The following THEMIS variants were observed in gnomAD, a reference collection of about 807,000 sequenced individuals.
THEMIS encodes thymocyte selection associated, also known as protein THEMIS.
A neutral mutation model predicts 52.6 loss-of-function variants in THEMIS; 37 were observed. That is an observed-to-expected ratio of 0.70 (90% CI 0.54 to 0.93). The LOEUF is 0.93. Among genes scored for constraint, THEMIS ranks in the 40% least tolerant of loss-of-function variants. The pLI, the probability that THEMIS is intolerant of heterozygous loss-of-function variation, is 0.00. For synonymous variants in THEMIS, 292 were observed against 272.7 expected (o/e 1.07, Z -0.70); for missense variants, 808 against 763.1 (o/e 1.06, Z -0.69).
chr6:127,730,321 AAAAAGAAAAG>A (rs1174763634), intron 4 of THEMIS, among the ~76,000 whole-genome samples: 10 of 61,516 alleles, frequency 1.6e-4, no homozygotes, highest in Non-Finnish European at 4.2e-4. Flanking sequence ...GAAAAGAGAA[AAAAAGAAAAG>A]AAAAGAAAAG....
chr6:127,823,011 T>C (rs1408790953), intron 3 of THEMIS, among the ~76,000 whole-genome samples: 1 of 152,202 alleles, frequency 6.6e-6, no homozygotes, highest in African/African-American at 2.4e-5. Context: ...TTGTTTTATA[T>C]ACAAATAAAC....
At chr6:127,877,744 A>G (rs899127254) in intron 1 of THEMIS, among the ~76,000 whole-genome samples, 1 of 152,234 alleles carries the variant, frequency 6.6e-6, no homozygotes, top group African/African-American at 2.4e-5. Flanking sequence ...GAAATACTGC[A>G]AGAATTACCA....
chr6:127,842,301 G>A (rs1355231698), intron 2 of THEMIS, among the ~76,000 whole-genome samples: 5 of 151,834 alleles, frequency 3.3e-5, no homozygotes, highest in Non-Finnish European at 7.4e-5. Context: ...TTCTGTTAAT[G>A]GAGTATATAA....
chr6:127,864,323 G>T lies in THEMIS; in HGVS notation c.92-9135C>A, dbSNP rs953891384. Among the ~76,000 whole-genome samples the T allele has an allele frequency of 2.0e-5, 3 of 151,884 alleles. No homozygotes were observed. The East Asian group carries it at 5.8e-4, about 29-fold the overall frequency. ...TTTACTTCCAAAATCTACTCTTTGT[G>T]CCAGATCAGAAAAAAAAGTTTTAAA... On this transcript the variant is annotated intron_variant, in intron 1 of 5. Transcript: ENST00000368248.
chr6:127,779,637 G>A (rs1244365976), intron 4 of THEMIS, among the ~76,000 whole-genome samples: 1 of 152,154 alleles, frequency 6.6e-6, no homozygotes, highest in Admixed American at 6.5e-5. Context: ...TGTAGGAAGT[G>A]CTATAATACG....
chr6:127,788,283 T>G (rs1777044205), intron 4 of THEMIS, among the ~76,000 whole-genome samples: 1 of 152,216 alleles, frequency 6.6e-6, no homozygotes, highest in Non-Finnish European at 1.5e-5. Flanking sequence ...AAGATTGGAC[T>G]GTGTGGTAAT....
intron 2 of THEMIS, among the ~76,000 whole-genome samples, chr6:127,849,037 TC>T (rs1779325544): frequency 3.9e-5 from 6 of 152,168 alleles, no homozygotes; most frequent in Admixed American, 3.9e-4. Context: ...TAGGTTTTCT[TC>T]TAGGGTTTTT....
Position 127,813,563 on chromosome 6 carries a change from T to C in THEMIS, c.1078A>G (p.Ser360Gly), listed in dbSNP as rs750026663. 6.2e-7 allele frequency: 1 copy of C among 1,613,696 alleles called. No individual in the cohort carries two copies. Among genetic ancestry groups the C allele is most frequent in the Non-Finnish European group, 8.5e-7 (1 of 1,179,866 alleles). Reference sequence around the variant, plus strand: ...ACCACGTGAAGAGGCTCCTTTTCACTCTTAGCGATCTCTAGGTCATAGGCC... The same window carrying C: ...ACCACGTGAAGAGGCTCCTTTTCACCCTTAGCGATCTCTAGGTCATAGGCC... ...PTAYDLEIAK[S>G]EKEPLHVVAT... Residue 360 changes from serine (S) to glycine (G), a missense_variant, in exon 4 of 6, where the codon AGT becomes GGT. By Grantham distance (56) the Ser-to-Gly change is moderately conservative (BLOSUM62 0). Transcript: ENST00000368248.
At chr6:127,832,183 A>T (rs1313172237) in intron 2 of THEMIS, among the ~76,000 whole-genome samples, 1 of 152,120 alleles carries the variant, frequency 6.6e-6, no homozygotes. Context: ...GTAATAACAG[A>T]CCTAAAATAT....
At chr6:127,854,036 A>G (rs771755306) in intron 2 of THEMIS, among the ~76,000 whole-genome samples, 2 of 151,722 alleles carry the variant, frequency 1.3e-5, no homozygotes, top group Non-Finnish European at 3.0e-5. Flanking sequence ...TTTCTCTTCC[A>G]CTGGTCATTC....
At position 127,708,796 on chromosome 6, in the gene THEMIS, A is replaced by G. The variant is rs563591548; in HGVS notation, c.*1189T>C. On this transcript the variant is annotated 3_prime_UTR_variant, in exon 6 of 6. Coordinates refer to ENST00000368248, the MANE Select transcript of THEMIS (RefSeq NM_001010923.3). The stretch of plus-strand genomic sequence containing the variant: ...AGAATATAAACATTGAAAAAACTCT[A>G]ATTTTTTTTGTTCTAAAGTTGACTC... The G allele has an allele frequency of 2.6e-5, 4 of 152,126 alleles. No homozygotes were observed. Among genetic ancestry groups the G allele is most frequent in the African/African-American group, 9.6e-5 (4 of 41,540 alleles). 9.4% of individuals were successfully genotyped at this position (152,126 alleles called of 1,614,324 possible).
intron 2 of THEMIS, among the ~76,000 whole-genome samples, chr6:127,836,268 C>T (rs552210936): frequency 2.6e-5 from 4 of 152,152 alleles, no homozygotes; most frequent in African/African-American, 9.6e-5. Flanking sequence ...CCTAAGTAGC[C>T]ACCTGTTTAT....
At chr6:127,764,316 A>G (rs938363118) in intron 4 of THEMIS, among the ~76,000 whole-genome samples, 1 of 148,238 alleles carries the variant, frequency 6.7e-6, no homozygotes, top group Non-Finnish European at 1.5e-5. Flanking sequence ...GAACTCTATA[A>G]TCTTGAGGCA....
At chr6:127,867,527 G>T (rs531595449) in intron 1 of THEMIS, among the ~76,000 whole-genome samples, 1 of 152,182 alleles carries the variant, frequency 6.6e-6, no homozygotes, top group African/African-American at 2.4e-5. Context: ...ATGGAGAAGA[G>T]AAAACATTCC....
In THEMIS at chr6:127,756,699, T is replaced by C. The variant is rs564659483; in HGVS notation, c.1759-36876A>G. On this transcript the variant is annotated intron_variant, in intron 4 of 5. Coordinates refer to ENST00000368248, the MANE Select transcript of THEMIS (RefSeq NM_001010923.3). The stretch of plus-strand genomic sequence containing the variant: ...AAATTAATTCCAAAAGTGAGTTTCA[T>C]CAGAGTGGTTCATTGCTTAGCTTTT... Among the ~76,000 whole-genome samples the C allele has an allele frequency of 2.0e-5, 3 of 152,324 alleles. No individual in the cohort carries two copies. In the East Asian group the frequency reaches 5.8e-4, roughly 29 times the overall value.
chr6:127,747,365 AATATT>A (rs201467181), intron 4 of THEMIS, among the ~76,000 whole-genome samples: 26 of 144,908 alleles, frequency 1.8e-4, no homozygotes, highest in African/African-American at 5.2e-4. Flanking sequence ...TATATAATAT[AATATT>A]ATATTATATA....
intron 1 of THEMIS, among the ~76,000 whole-genome samples, chr6:127,897,669 G>T (rs1781010647): frequency 6.6e-6 from 1 of 151,520 alleles, no homozygotes; most frequent in Admixed American, 6.6e-5. Flanking sequence ...GAGTTAATTG[G>T]AACACAAATA....
chr6:127,780,129 T>C (rs1776695414), intron 4 of THEMIS, among the ~76,000 whole-genome samples: 1 of 152,234 alleles, frequency 6.6e-6, no homozygotes, highest in Non-Finnish European at 1.5e-5. Flanking sequence ...TTTTGTTTCA[T>C]TGATCGCTTT....
chr6:127,738,218 G>A (rs1040814139), intron 4 of THEMIS, among the ~76,000 whole-genome samples: 4 of 152,064 alleles, frequency 2.6e-5, no homozygotes, highest in Non-Finnish European at 4.4e-5. Context: ...ATAAATTTAA[G>A]TAAAAAAATA....
Sources: gnomAD v4.1 joint callset for allele counts (sites outside exome capture counted in the v4.1 genomes callset) on GRCh38, gnomAD v4.1.1 for gene constraint, MANE v1.5 for transcripts, NCBI Gene and HGNC (gene_info 2026-07-23, HGNC 2026-07-21) for gene names.